CTDP1: variants seen among roughly 807,000 people sequenced by gnomAD.
CTDP1 encodes CTD phosphatase 1, also known as RNA polymerase II subunit A C-terminal domain phosphatase.
In CTDP1, 47 loss-of-function variants were observed where a neutral mutation model predicts 91.8. The ratio of observed to expected loss-of-function variants is 0.51; its 90% CI spans 0.41 to 0.65. The LOEUF is 0.65. CTDP1 is among the 30% of genes least tolerant of loss of function. CTDP1 has a pLI of 0.00. For missense variants in CTDP1, 1,272 were observed against 1,373.7 expected (o/e 0.93, Z 1.17); for synonymous variants, 656 against 598.5 (o/e 1.10, Z -1.40).
At chr18:79,727,382 G>A (rs1251465752) in intron 10 of CTDP1, among the ~76,000 whole-genome samples, 1 of 152,156 alleles carries the variant, frequency 6.6e-6, no homozygotes, top group African/African-American at 2.4e-5. Context: ...GGGATGGAAA[G>A]CGCAGCGTTC....
intron 1 of CTDP1, among the ~76,000 whole-genome samples, chr18:79,686,909 C>A (rs2085507609): frequency 6.7e-6 from 1 of 149,436 alleles, no homozygotes; most frequent in African/African-American, 2.5e-5. Context: ...CACTGGTGGG[C>A]CTGCACCGCA....
chr18:79,680,103 C>T lies in CTDP1; in HGVS notation c.156C>T (p.Phe52=), dbSNP rs761704784. ...GCATCGGCTCGGTGCTGGCCGTGTT[C>T]GAGGCCGCCGCCTCCGCGCAGTCCT... is the stretch of plus-strand genomic sequence containing the variant. The part of the protein sequence containing the change: ...AVRIGSVLAV[F]EAAASAQSSG... Residue 52 remains phenylalanine (F), a synonymous_variant, in exon 1 of 13, where the codon TTC becomes TTT. Transcript: ENST00000613122. 5.0e-6 allele frequency: 7 copies of T among 1,413,880 alleles called. No homozygotes were observed. The East Asian group carries it at 1.9e-4, about 39-fold the overall frequency. 87.6% of individuals were successfully genotyped at this position (1,413,880 alleles called of 1,614,324 possible).
At chr18:79,707,421 C>T (rs2085988939) in intron 5 of CTDP1, among the ~76,000 whole-genome samples, 1 of 152,234 alleles carries the variant, frequency 6.6e-6, no homozygotes, top group South Asian at 2.1e-4. Flanking sequence ...GAGCAGGGAG[C>T]CTGCTGGTGG....
At chr18:79,720,454 G>T (rs1450088844) in intron 10 of CTDP1, among the ~76,000 whole-genome samples, 3 of 151,028 alleles carry the variant, frequency 2.0e-5, no homozygotes. Flanking sequence ...TGGTGATGCT[G>T]TCACCTCCTG....
chr18:79,680,165 G>T lies in CTDP1; in HGVS notation c.218G>T (p.Cys73Phe). 1 of 1,390,912 alleles carries T rather than the reference G, an allele frequency of 7.2e-7. No individual in the cohort carries two copies. The allele number at this position is 1,390,912 out of a possible 1,614,324, so 86.2% of individuals were successfully genotyped here. ...CAGTCCCGTGTAGCCTCCGGGGGCT[G>T]CGTGCGCCCCGCGCGGCCGGAACGC... ...ASQSRVASGG[C>F]VRPARPERRL... Residue 73 changes from cysteine (C) to phenylalanine (F), a missense_variant, in exon 1 of 13, where the codon TGC becomes TTC. Cys to Phe is a radical substitution (Grantham distance 205, BLOSUM62 -2). This residue lies in a region of CTDP1 where 214 missense variants were observed against 179.1 expected (regional missense o/e 1.19). Transcript: ENST00000613122.
At position 79,704,718 on chromosome 18, in the gene CTDP1, C is replaced by T. The variant is rs200831905; in HGVS notation, c.622-49C>T. On this transcript the variant is annotated intron_variant, in intron 4 of 12. Coordinates refer to ENST00000613122, the MANE Select transcript of CTDP1 (RefSeq NM_004715.5). ...CGGGCACACAGGTTGCGGGGGCGGC[C>T]GGGGCTCCTCAGGCCTTTTCTCCCG... is the stretch of plus-strand genomic sequence containing the variant. 155 of 1,609,634 alleles carry T rather than the reference C, an allele frequency of 9.6e-5. 2 individuals carry two copies. In the Middle Eastern group the frequency reaches 1.4e-3, roughly 14 times the overall value.
rs1442149114 is a variant in CTDP1, at chr18:79,717,815, A to G, written c.2216A>G (p.Asn739Ser). The stretch of plus-strand genomic sequence containing the variant: ...TCGTTCTCTTCCTCCGACAGGGAGA[A>G]CAGCCCTGCGGCCTTTCCCGACCGG... ...RDDHTKAQRE[N>S]SPAAFPDREG... The change falls in exon 10 of 13, where the codon AAC becomes AGC. Residue 739 changes from asparagine (N) to serine (S), a missense_variant. By Grantham distance (46) the Asn-to-Ser change is conservative. Transcript: ENST00000613122. 7.4e-6 allele frequency: 12 copies of G among 1,613,772 alleles called. No homozygotes were observed. The highest frequency in any genetic ancestry group is 1.0e-5 in the Non-Finnish European group (12 of 1,179,994).
intron 8 of CTDP1, among the ~76,000 whole-genome samples, chr18:79,717,100 C>T (rs528244248): frequency 3.4e-5 from 5 of 147,406 alleles, no homozygotes; most frequent in African/African-American, 5.1e-5. Flanking sequence ...GGGCTGCAGC[C>T]GAGTGAGGGC....
At chr18:79,747,409 C>T (rs950391388) in intron 12 of CTDP1, among the ~76,000 whole-genome samples, 6 of 152,228 alleles carry the variant, frequency 3.9e-5, no homozygotes, top group Non-Finnish European at 7.3e-5. Flanking sequence ...CAGGTGCAGA[C>T]GCCACGGAGG....
intron 1 of CTDP1, among the ~76,000 whole-genome samples, chr18:79,691,456 C>T (rs1223963081): frequency 6.6e-6 from 1 of 151,738 alleles, no homozygotes; most frequent in Non-Finnish European, 1.5e-5. Flanking sequence ...GCTTCCCAGG[C>T]AGGACTCGGG....
In CTDP1 at chr18:79,679,924, C is replaced by T. The variant is rs2085320409; in HGVS notation, c.-24C>T. The T allele has an allele frequency of 2.2e-6, 3 of 1,373,036 alleles. No homozygotes were observed. The highest frequency in any genetic ancestry group is 6.6e-5 in the East Asian group (2 of 30,142). The allele number at this position is 1,373,036 out of a possible 1,614,324, so 85.1% of individuals were successfully genotyped here. Reference sequence around the variant, plus strand: ...GAGCGCAGCGCAGGCCCCGTACCGACCGCCCGCCCGCCCTCTGTCCGCGAT... The same window carrying T: ...GAGCGCAGCGCAGGCCCCGTACCGATCGCCCGCCCGCCCTCTGTCCGCGAT... On this transcript the variant is annotated 5_prime_UTR_variant, in exon 1 of 13. Transcript: ENST00000613122.
At chr18:79,682,898 T>C (rs1236981070) in intron 1 of CTDP1, 2 of 152,234 alleles carry the variant, frequency 1.3e-5, no homozygotes, top group African/African-American at 4.8e-5. Context: ...TGAGTTTAGT[T>C]CTCATCCCTG....
At chr18:79,721,126 C>T (rs1352876420) in intron 10 of CTDP1, among the ~76,000 whole-genome samples, 4 of 152,182 alleles carry the variant, frequency 2.6e-5, no homozygotes, top group Admixed American at 6.5e-5. Context: ...CTTGCTCCTG[C>T]GAAGCCTCCT....
intron 10 of CTDP1, among the ~76,000 whole-genome samples, chr18:79,725,530 T>G (rs568719055): frequency 1.5e-4 from 23 of 152,222 alleles, no homozygotes; most frequent in Admixed American, 7.2e-4. Context: ...TCTATTTTTT[T>G]TTTGTTTGTT....
intron 11 of CTDP1, among the ~76,000 whole-genome samples, chr18:79,731,657 C>T (rs1172374968): frequency 1.3e-5 from 2 of 152,172 alleles, no homozygotes; most frequent in African/African-American, 2.4e-5. Context: ...CTAAGCAGAG[C>T]GAGGCATGGC....
intron 5 of CTDP1, among the ~76,000 whole-genome samples, chr18:79,705,455 T>C (rs1024261936): frequency 2.0e-4 from 30 of 150,586 alleles, no homozygotes; most frequent in African/African-American, 6.9e-4. Context: ...GTGGATGCAG[T>C]GAGGGGACGC....
At chr18:79,697,665 T>G (rs1435580293) in intron 3 of CTDP1, among the ~76,000 whole-genome samples, 195 bp from the exon 4 acceptor site, 1 of 152,194 alleles carries the variant, frequency 6.6e-6, no homozygotes, top group African/African-American at 2.4e-5. Flanking sequence ...ATTATAAAAT[T>G]GTGGTCACAA....
chr18:79,752,341 G>A (rs2087020161), intron 12 of CTDP1, among the ~76,000 whole-genome samples: 1 of 136,958 alleles, frequency 7.3e-6, no homozygotes, highest in Non-Finnish European at 1.6e-5. Context: ...GTTATGCAGA[G>A]GCTCCTAAGG....
In CTDP1 at chr18:79,715,076, A is replaced by G. The variant is rs1426574839; in HGVS notation, c.1616A>G (p.Asp539Gly). The change falls in exon 8 of 13, where the codon GAT becomes GGT. Residue 539 changes from aspartate (D) to glycine (G), a missense_variant. Asp to Gly is a moderately conservative substitution (Grantham distance 94). Coordinates refer to ENST00000613122, the MANE Select transcript of CTDP1 (RefSeq NM_004715.5). The stretch of plus-strand genomic sequence containing the variant: ...GGTGGGCAGGAGGAGGGCGAGCGGG[A>G]TGGCCTCTGCGGCCTGGGCAACGGC... ...ELGGQEEGER[D>G]GLCGLGNGCA... 2 of 1,612,854 alleles carry G rather than the reference A, an allele frequency of 1.2e-6. No homozygotes were observed. The highest frequency in any genetic ancestry group is 1.7e-4 in the Middle Eastern group (1 of 6,060).
Sources: allele counts gnomAD v4.1 joint callset (sites outside exome capture counted in the v4.1 genomes callset), GRCh38; gene constraint gnomAD v4.1.1; regional missense constraint gnomAD v4.1.1; transcripts MANE v1.5; gene names NCBI Gene and HGNC (gene_info 2026-07-23, HGNC 2026-07-21).